Variants in PEX5 observed in about 807,000 individuals in gnomAD.
PEX5 encodes the protein PTS1 receptor.
PEX5 carries 52 observed loss-of-function variants against 82.9 expected under a neutral mutation model. The ratio of observed to expected loss-of-function variants is 0.63; its 90% CI spans 0.50 to 0.79. The LOEUF (loss-of-function observed/expected upper bound fraction) is 0.79. Ranked by LOEUF, PEX5 falls within the 30% of genes least tolerant of loss-of-function variation. The pLI is 0.00. For missense variants in PEX5, 719 were observed against 815.2 expected (o/e 0.88, Z 1.44); for synonymous variants, 300 against 318.8 (o/e 0.94, Z 0.63).
At chr12:7,206,377 G>A (rs933575908) in intron 10 of PEX5, among the ~76,000 whole-genome samples, 2 of 152,336 alleles carry the variant, frequency 1.3e-5, no homozygotes, top group Middle Eastern at 3.4e-3. Flanking sequence ...GGCTGCTTTC[G>A]CACTACAACA....
chr12:7,207,477 TG>T (rs1227140438), intron 10 of PEX5, among the ~76,000 whole-genome samples, 181 bp from the exon 11 acceptor site: 1 of 152,208 alleles, frequency 6.6e-6, no homozygotes, highest in Non-Finnish European at 1.5e-5. Context: ...AGCACAAACC[TG>T]ATACCAAATG....
chr12:7,208,304 GAT>G (rs1439572384), intron 12 of PEX5, among the ~76,000 whole-genome samples, 151 bp from the exon 13 acceptor site: 1 of 152,106 alleles, frequency 6.6e-6, no homozygotes, highest in Non-Finnish European at 1.5e-5. Context: ...CTTCCCCTTA[GAT>G]CTGTAACTTT....
In PEX5 at chr12:7,210,357, C is replaced by T. The variant is rs770004382; in HGVS notation, c.*134C>T. On this transcript the variant is annotated 3_prime_UTR_variant, in exon 16 of 16. Coordinates refer to ENST00000675855, the MANE Select transcript of PEX5 (RefSeq NM_001351132.2). ...CGGTACGGCCTTTCAGGAGCTGCCTCAACGTAGGGGTGGGTAGTCTGTGTT... is the reference window on the plus strand; with the variant it reads ...CGGTACGGCCTTTCAGGAGCTGCCTTAACGTAGGGGTGGGTAGTCTGTGTT... The T allele has an allele frequency of 1.0e-5, 8 of 786,760 alleles. No individual in the cohort carries two copies. The highest frequency in any genetic ancestry group is 1.8e-5 in the Non-Finnish European group (8 of 455,398). The allele number at this position is 786,760 out of a possible 1,614,324, so 48.7% of individuals were successfully genotyped here. A position where few individuals can be genotyped will look rare whatever the true frequency, so the allele number is the denominator to read the frequency against.
chr12:7,189,272 GC>G (rs1272881444), upstream of PEX5: 1 of 152,292 alleles, frequency 6.6e-6, no homozygotes, highest in Non-Finnish European at 1.5e-5. Flanking sequence ...TCTTTCTTGG[GC>G]TTGGGAACAT....
At chr12:7,215,126 C>T (rs1479601731), downstream of PEX5, among the ~76,000 whole-genome samples, 1 of 152,134 alleles carries the variant, frequency 6.6e-6, no homozygotes, top group African/African-American at 2.4e-5. Context: ...CAAAATAAGA[C>T]ATTCATTTGG....
chr12:7,204,152 A>C (rs1384210693), intron 10 of PEX5, among the ~76,000 whole-genome samples: 1 of 152,328 alleles, frequency 6.6e-6, no homozygotes, highest in East Asian at 1.9e-4. Context: ...TCTTACTGAA[A>C]AACAAATCTA....
At chr12:7,201,881 GT>G in intron 7 of PEX5, 40 bp downstream of exon 7, 1 of 1,423,916 alleles carries the variant, frequency 7.0e-7, no homozygotes. Flanking sequence ...AGCAGAGCTG[GT>G]TTTGGAAGGC....
intron 17 of PEX5, among the ~76,000 whole-genome samples, chr12:7,217,773 G>C (rs928828499): frequency 5.9e-5 from 9 of 152,216 alleles, no homozygotes; most frequent in African/African-American, 2.2e-4. Flanking sequence ...ACCCAAGCTG[G>C]AAATGACTTA....
At chr12:7,201,628 G>T (rs1202410415) in intron 6 of PEX5, 123 bp from the exon 7 acceptor site, 7 of 759,556 alleles carry the variant, frequency 9.2e-6, no homozygotes, top group Non-Finnish European at 1.7e-5. Context: ...GGAGTTTGTA[G>T]GTTCTCAACA....
At chr12:7,215,426 A>AAGAC (rs1945749913), downstream of PEX5, among the ~76,000 whole-genome samples, 1 of 152,218 alleles carries the variant, frequency 6.6e-6, no homozygotes, top group Admixed American at 6.5e-5. Context: ...CACTACCCAA[A>AAGAC]AGACACATGC....
At position 7,199,035 on chromosome 12, in the gene PEX5, G is replaced by C. The variant is rs140456601; in HGVS notation, c.473G>C (p.Arg158Pro). 8 of 1,605,546 alleles carry C rather than the reference G, an allele frequency of 5.0e-6. No homozygotes were observed. Among genetic ancestry groups the C allele is most frequent in the East Asian group, 2.2e-5 (1 of 44,654 alleles). ...VTDPLSVSPARWAEEYLEQSE... is the reference protein window; with the variant it reads ...VTDPLSVSPAPWAEEYLEQSE... ...GACCCCTTGTCTGTGTCCCCTGCCCGCTGGGCTGAGGAATATTTGGAGCAA... is the reference window on the plus strand; with the variant it reads ...GACCCCTTGTCTGTGTCCCCTGCCCCCTGGGCTGAGGAATATTTGGAGCAA... Residue 158 changes from arginine (R) to proline (P), a missense_variant, in exon 6 of 16, where the codon CGC becomes CCC. By Grantham distance (103) the Arg-to-Pro change is moderately radical. Coordinates refer to ENST00000675855, the MANE Select transcript of PEX5 (RefSeq NM_001351132.2).
At chr12:7,197,850 T>A (rs904745641) in intron 5 of PEX5, among the ~76,000 whole-genome samples, 2 of 152,146 alleles carry the variant, frequency 1.3e-5, no homozygotes, top group Non-Finnish European at 2.9e-5. Flanking sequence ...AGTTAGTAGG[T>A]TCTCAACAAG....
At chr12:7,206,415 A>G (rs1214142801) in intron 10 of PEX5, among the ~76,000 whole-genome samples, 1 of 152,262 alleles carries the variant, frequency 6.6e-6, no homozygotes, top group Non-Finnish European at 1.5e-5. Flanking sequence ...CAGCAGATCC[A>G]CGAAGCCTGA....
At chr12:7,200,450 C>T (rs749450121) in intron 6 of PEX5, among the ~76,000 whole-genome samples, 112 of 146,666 alleles carry the variant, frequency 7.6e-4, no homozygotes, top group East Asian at 1.6e-3. Context: ...AGACGATGGG[C>T]GGCCAGGCAG....
intron 14 of PEX5, 88 bp downstream of exon 14, chr12:7,209,258 G>T: frequency 7.6e-7 from 1 of 1,322,386 alleles, no homozygotes; most frequent in Non-Finnish European, 1.1e-6. Flanking sequence ...GATGGTGCAT[G>T]CCTGTAGTCC....
intron 5 of PEX5, among the ~76,000 whole-genome samples, chr12:7,197,314 CATATGTCATATACAATGTAATAATTAT>C (rs1161579659): frequency 0.11 from 3,840 of 36,326 alleles, 353 homozygotes; most frequent in African/African-American, 0.16. Context: ...ATAATGTAAT[CATATGTCATATACAATGTAATAATTAT>C]ATATGTCATA....
intron 6 of PEX5, among the ~76,000 whole-genome samples, chr12:7,201,432 CCTAA>C (rs1267170975): frequency 6.6e-6 from 1 of 151,980 alleles, no homozygotes; most frequent in African/African-American, 2.4e-5. Flanking sequence ...TTTCAAGAAT[CCTAA>C]CTATCCTATA....
intron 5 of PEX5, among the ~76,000 whole-genome samples, chr12:7,196,243 G>A: frequency 3.4e-5 from 1 of 29,516 alleles, no homozygotes; most frequent in Admixed American, 5.9e-4. Context: ...TTAATTATAT[G>A]TCATATTTAA....
intron 12 of PEX5, 132 bp from the exon 13 acceptor site, chr12:7,208,325 C>A: frequency 1.3e-6 from 1 of 766,062 alleles, no homozygotes; most frequent in Non-Finnish European, 2.3e-6. Flanking sequence ...TTATTATTAA[C>A]TCATGTCAGA....
Sources: allele counts gnomAD v4.1 joint callset (sites outside exome capture counted in the v4.1 genomes callset), GRCh38; gene constraint gnomAD v4.1.1; transcripts MANE v1.5; gene names NCBI Gene and HGNC (gene_info 2026-07-23, HGNC 2026-07-21).